The following PRXL2C variants were observed in gnomAD, a reference collection of about 807,000 sequenced individuals.
The protein encoded by PRXL2C is peroxiredoxin-like 2C.
In PRXL2C, 38 loss-of-function variants were observed where a neutral mutation model predicts 24.9. The observed-to-expected ratio is 1.53, with a 90% confidence interval of 1.18 to 2.00. The LOEUF is 2.00. Ranked by LOEUF, PRXL2C falls within the 30% of genes most tolerant of loss-of-function variation. The pLI is 0.00. For synonymous variants in PRXL2C, 98 were observed against 117.2 expected, an observed-to-expected ratio of 0.84 and a Z score of 1.06; for missense variants, 294 against 290.9, an observed-to-expected ratio of 1.01 and a Z score of -0.08.
chr9:96,651,674 G>A lies in PRXL2C; in HGVS notation c.300C>T (p.Ser100=). 2 of 1,610,402 alleles carry A rather than the reference G, an allele frequency of 1.2e-6. No individual in the cohort carries two copies. Among genetic ancestry groups the A allele is most frequent in the Non-Finnish European group, 8.5e-7 (1 of 1,177,702 alleles). The change falls in exon 3 of 6, where the codon TCC becomes TCT. Residue 100 remains serine, a synonymous_variant. Coordinates refer to ENST00000375234, the MANE Select transcript of PRXL2C (RefSeq NM_153698.2). ...AGATATTTACCTCAATATGATGGTA[G>A]GATGACTGTCCAATCACTATAAGGG... The part of the protein sequence containing the change: ...NVTLIVIGQS[S]YHHIEPFCKL...
At chr9:96,653,907 T>C (rs992462837) in intron 2 of PRXL2C, among the ~76,000 whole-genome samples, 1 of 151,976 alleles carries the variant, frequency 6.6e-6, no homozygotes, top group African/African-American at 2.4e-5. Flanking sequence ...GTGGTGCAAT[T>C]TCGGCTCACT....
At chr9:96,643,342 G>C (rs1384406276) in intron 5 of PRXL2C, among the ~76,000 whole-genome samples, 1 of 152,120 alleles carries the variant, frequency 6.6e-6, no homozygotes, top group Non-Finnish European at 1.5e-5. Context: ...CACTTCCCAG[G>C]TTCAAGCGAT....
chr9:96,654,973 G>C (rs1848332420), intron 1 of PRXL2C, 117 bp downstream of exon 1: 1 of 1,285,286 alleles, frequency 7.8e-7, no homozygotes, highest in Non-Finnish European at 1.0e-6. Flanking sequence ...AAGCGGCCGC[G>C]ACTGGGCAGG....
chr9:96,651,271 C>G (rs1848261229), intron 4 of PRXL2C, 119 bp downstream of exon 4: 1 of 713,974 alleles, frequency 1.4e-6, no homozygotes, highest in African/African-American at 1.8e-5. Flanking sequence ...GAGTGAGACT[C>G]CATCTCAAAA....
At chr9:96,642,089 G>A (rs1848124898) in intron 5 of PRXL2C, among the ~76,000 whole-genome samples, 1 of 152,084 alleles carries the variant, frequency 6.6e-6, no homozygotes. Flanking sequence ...TTAAATAAGA[G>A]CCATACTTGA....
chr9:96,654,588 G>T, intron 2 of PRXL2C, 117 bp downstream of exon 2: 1 of 865,244 alleles, frequency 1.2e-6, no homozygotes, highest in South Asian at 1.6e-5. Context: ...AGGGTGGAGA[G>T]AGCTGCGGGG....
intron 5 of PRXL2C, 33 bp from the exon 6 acceptor site, chr9:96,641,919 T>C: frequency 7.0e-7 from 1 of 1,432,510 alleles, no homozygotes; most frequent in Non-Finnish European, 9.3e-7. Context: ...GGCTGAGGCA[T>C]AGTATTATTC....
At chr9:96,653,032 A>T (rs9802743) in intron 2 of PRXL2C, among the ~76,000 whole-genome samples, 4 of 152,106 alleles carry the variant, frequency 2.6e-5, no homozygotes, top group South Asian at 2.1e-4. Flanking sequence ...TGGAGACCAT[A>T]CTGGCTAACA....
Position 96,651,733 on chromosome 9 carries a change from A to C in PRXL2C, c.262-21T>G, listed in dbSNP as rs1006982654. 3.1e-6 allele frequency: 5 copies of C among 1,588,366 alleles called. No homozygotes were observed. In the Admixed American group the frequency reaches 8.6e-5, roughly 27 times the overall value. On this transcript the variant is annotated intron_variant, in intron 2 of 5. Coordinates refer to ENST00000375234, the MANE Select transcript of PRXL2C (RefSeq NM_153698.2). ...GCTTCCTTAGGAGAAAAAAAAGGAC[A>C]TGTATATATCATTAGAAATTATGCA...
intron 5 of PRXL2C, 94 bp from the exon 6 acceptor site, chr9:96,641,980 G>T: frequency 5.4e-6 from 6 of 1,111,686 alleles, no homozygotes; most frequent in African/African-American, 1.6e-5. Flanking sequence ...CCTTTAATTA[G>T]TCCAAAGGGA....
chr9:96,645,823 G>T, intron 5 of PRXL2C, 70 bp downstream of exon 5: 45 of 1,363,636 alleles, frequency 3.3e-5, no homozygotes, highest in Non-Finnish European at 4.1e-5. Context: ...GAAAAGAAAA[G>T]AAAATGGCGG....
chr9:96,655,252 C>G lies in PRXL2C; in HGVS notation c.30G>C (p.Gln10His), dbSNP rs760467269. The G allele has an allele frequency of 9.0e-7, 1 of 1,112,846 alleles. No homozygotes were observed. Among genetic ancestry groups the G allele is most frequent in the Non-Finnish European group, 1.1e-6 (1 of 913,188 alleles). 68.9% of individuals were successfully genotyped at this position (1,112,846 alleles called of 1,614,324 possible). Residue 10 changes from glutamine to histidine, a missense_variant, in exon 1 of 6, where the codon CAG (glutamine) becomes CAC (histidine). Coordinates refer to ENST00000375234, the MANE Select transcript of PRXL2C (RefSeq NM_153698.2). MAAPAPVTRQVSGAAALVPA... is the reference protein window; with the variant it reads MAAPAPVTRHVSGAAALVPA... Reference sequence around the variant, plus strand: ...GGACCAGGGCGGCGGCGCCGCTAACCTGCCGCGTGACCGGGGCCGGCGCGG... The same window carrying G: ...GGACCAGGGCGGCGGCGCCGCTAACGTGCCGCGTGACCGGGGCCGGCGCGG...
rs757463500 is a variant in PRXL2C at position 96,641,831 on chromosome 9, G to T, written c.609C>A (p.Ile203=). The T allele has an allele frequency of 8.3e-6, 13 of 1,566,894 alleles. No homozygotes were observed. In the East Asian group the frequency reaches 2.5e-4, roughly 30 times the overall value. ...RDRNRLDHKP[I]NSVLQLVGVQ... The stretch of plus-strand genomic sequence containing the variant: ...CTCCTACAAGCTGTAAAACAGAGTT[G>T]ATAGGTTTGTGATCCAACCTATTCC... Residue 203 remains isoleucine, a synonymous_variant, in exon 6 of 6, where the codon ATC becomes ATA. Coordinates refer to ENST00000375234, the MANE Select transcript of PRXL2C (RefSeq NM_153698.2).
rs1848329967 is a variant in PRXL2C at position 96,654,879 on chromosome 9, C to CGGGGCCGGGACCGGCGGCTCGG, written c.193-128_193-107dup. On this transcript the variant is annotated intron_variant, in intron 1 of 5. Transcript: ENST00000375234. ...GTGACGCGAGCAAAGGCGACGCCCG[C>CGGGGCCGGGACCGGCGGCTCGG]GGGGCCGGGACCGGCGGCTCGGGCG... 71 of 1,293,798 alleles carry CGGGGCCGGGACCGGCGGCTCGG rather than the reference C, an allele frequency of 5.5e-5. No homozygotes were observed. In the South Asian group the frequency reaches 9.6e-4, roughly 17 times the overall value. The allele number at this position is 1,293,798 out of a possible 1,614,324, so 80.1% of individuals were successfully genotyped here. A position where few individuals can be genotyped will look rare whatever the true frequency, so the allele number is the denominator to read the frequency against.
intron 4 of PRXL2C, among the ~76,000 whole-genome samples, chr9:96,650,186 CTGTT>C (rs1554787755): frequency 6.6e-6 from 1 of 152,208 alleles, no homozygotes; most frequent in Non-Finnish European, 1.5e-5. Flanking sequence ...TTGTAATTAG[CTGTT>C]TGTGCCTGTC....
intron 2 of PRXL2C, among the ~76,000 whole-genome samples, chr9:96,653,213 T>C (rs1204695701): frequency 4.8e-5 from 7 of 146,348 alleles, no homozygotes; most frequent in African/African-American, 7.8e-5. Context: ...GGCGATAGAG[T>C]GAGACTCCAT....
intron 2 of PRXL2C, among the ~76,000 whole-genome samples, chr9:96,652,031 GCAA>G (rs1232588581): frequency 6.6e-6 from 1 of 151,970 alleles, no homozygotes; most frequent in Non-Finnish European, 1.5e-5. Flanking sequence ...AAAAATACAG[GCAA>G]CAAAAGCAAA....
chr9:96,642,053 G>C (rs1172936360), intron 5 of PRXL2C, among the ~76,000 whole-genome samples, 167 bp from the exon 6 acceptor site: 1 of 151,954 alleles, frequency 6.6e-6, no homozygotes, highest in Non-Finnish European at 1.5e-5. Flanking sequence ...TTAAATCATG[G>C]TAATAAAGTA....
At chr9:96,653,902 G>A (rs1848310682) in intron 2 of PRXL2C, among the ~76,000 whole-genome samples, 1 of 151,484 alleles carries the variant, frequency 6.6e-6, no homozygotes, top group Non-Finnish European at 1.5e-5. Context: ...GTGCAGTGGT[G>A]CAATTTCGGC....
Sources: allele counts gnomAD v4.1 joint callset (sites outside exome capture counted in the v4.1 genomes callset), GRCh38; gene constraint gnomAD v4.1.1; transcripts MANE v1.5; gene names NCBI Gene and HGNC (gene_info 2026-07-23, HGNC 2026-07-21).